HLA-DQA1: variants seen among roughly 807,000 people sequenced by gnomAD.
HLA-DQA1 encodes major histocompatibility complex, class II, DQ alpha 1.
Under a neutral mutation model 20.7 loss-of-function variants are expected in HLA-DQA1, and 10 were observed. The observed-to-expected ratio is 0.48, with a 90% CI of 0.30 to 0.82. The LOEUF is 0.82. HLA-DQA1 is among the 40% of genes least tolerant of loss of function. The pLI is 0.07. For synonymous variants in HLA-DQA1, 39 were observed against 109.2 expected, an observed-to-expected ratio of 0.36 and a Z score of 4.01; for missense variants, 127 against 293.0, an observed-to-expected ratio of 0.43 and a Z score of 4.14.
chr6:32,638,127 A>G (rs116178934), intron 1 of HLA-DQA1, among the ~76,000 whole-genome samples: 1 of 127,472 alleles, frequency 7.8e-6, no homozygotes, highest in Non-Finnish European at 1.7e-5. Context: ...GCTGCCTCAT[A>G]TGTGTCACCT....
downstream of HLA-DQA1, among the ~76,000 whole-genome samples, chr6:32,648,615 AT>A (rs1177049692): frequency 5.1e-4 from 50 of 97,450 alleles, 16 homozygotes; most frequent in African/African-American, 1.6e-3. Context: ...TAAACTAGGT[AT>A]TGATGGAACA....
intron 1 of HLA-DQA1, 149 bp from the exon 2 acceptor site, chr6:32,641,161 G>C (rs6930589): frequency 0.012 from 5,746 of 490,000 alleles, 479 homozygotes; most frequent in East Asian, 0.026. Context: ...ACATGAAGAG[G>C]GGAGGAAGCA....
At chr6:32,651,090 A>T (rs1305393477), downstream of HLA-DQA1, among the ~76,000 whole-genome samples, 5 of 81,896 alleles carry the variant, frequency 6.1e-5, 2 homozygotes, top group Admixed American at 6.1e-4. Context: ...GGGTTTCACC[A>T]TGTTAGCCAG....
At chr6:32,639,667 G>T (rs181156275) in intron 1 of HLA-DQA1, 2,677 of 97,528 alleles carry the variant, frequency 0.027, 965 homozygotes, top group South Asian at 0.25. Context: ...GCTGAGCAGG[G>T]CAGTGGACCC....
chr6:32,637,743 A>C (rs1177777106), intron 1 of HLA-DQA1, among the ~76,000 whole-genome samples: 2 of 106,700 alleles, frequency 1.9e-5, no homozygotes, highest in Non-Finnish European at 4.1e-5. Context: ...TGTGTTCACT[A>C]AGGACGCTAT....
downstream of HLA-DQA1, among the ~76,000 whole-genome samples, chr6:32,649,900 A>G (rs1291863954): frequency 2.1e-5 from 1 of 48,118 alleles, no homozygotes; most frequent in Non-Finnish European, 4.5e-5. Context: ...GTCAACAGGC[A>G]ACCTACAGAA....
Position 32,638,030 on chromosome 6 carries a change from C to G in HLA-DQA1, c.82+490C>G, listed in dbSNP as rs769029321. Among the ~76,000 whole-genome samples, 19 of 129,608 alleles carry G rather than the reference C, an allele frequency of 1.5e-4. 1 individual carries two copies. Among genetic ancestry groups the G allele is most frequent in the Non-Finnish European group, 2.9e-4 (17 of 59,278 alleles). 85.0% of individuals were successfully genotyped at this position (129,608 alleles called of 152,430 possible). On this transcript the variant is annotated intron_variant, in intron 1 of 4. Transcript: ENST00000343139. ...ACTTACTCACATTTCCACATGGGAA[C>G]TGGCACAGGTGGGGAGTGGGTAAAG... is the stretch of plus-strand genomic sequence containing the variant.
At chr6:32,654,663 A>T in the HLA-DQA1 span, among the ~76,000 whole-genome samples, 2 of 96,512 alleles carry the variant, frequency 2.1e-5, 1 homozygote, top group Non-Finnish European at 4.6e-5. Flanking sequence ...TTTTCAATCC[A>T]CAGTTGAATG....
chr6:32,646,508 G>A (rs1349360654), downstream of HLA-DQA1: 7 of 97,726 alleles, frequency 7.2e-5, 3 homozygotes, highest in African/African-American at 2.5e-4. Flanking sequence ...AGTGGGCTAA[G>A]ATTGTGCCAC....
At chr6:32,647,927 T>C (rs1443495949), downstream of HLA-DQA1, among the ~76,000 whole-genome samples, 2 of 152,122 alleles carry the variant, frequency 1.3e-5, no homozygotes, top group East Asian at 1.9e-4. Context: ...TCATAGAAAT[T>C]ACACTGTAGT....
the HLA-DQA1 span, among the ~76,000 whole-genome samples, chr6:32,652,544 A>G: frequency 6.8e-6 from 1 of 146,672 alleles, no homozygotes; most frequent in African/African-American, 2.5e-5. Flanking sequence ...TGTCTGATAC[A>G]TGAGTGATAT....
downstream of HLA-DQA1, among the ~76,000 whole-genome samples, chr6:32,649,289 T>C (rs1782092699): frequency 1.0e-5 from 1 of 96,892 alleles, no homozygotes; most frequent in Non-Finnish European, 2.3e-5. Context: ...CTACTTTAAA[T>C]TTCACATGGA....
chr6:32,637,641 G>A (rs9272443), intron 1 of HLA-DQA1, 101 bp downstream of exon 1: 29,012 of 475,568 alleles, frequency 0.061, 3,689 homozygotes, highest in Middle Eastern at 0.087. Flanking sequence ...ATTTCCTAAG[G>A]GCCCTTTCAG....
In HLA-DQA1 at chr6:32,640,946, G is replaced by A. The variant is rs972149018; in HGVS notation, c.83-364G>A. Among the ~76,000 whole-genome samples the A allele has an allele frequency of 3.9e-4, 40 of 101,562 alleles. 4 individuals are homozygous for A. Among genetic ancestry groups the A allele is most frequent in the African/African-American group, 1.3e-3 (38 of 29,784 alleles). 66.6% of individuals were successfully genotyped at this position (101,562 alleles called of 152,430 possible). A position where few individuals can be genotyped will look rare whatever the true frequency, so the allele number is the denominator to read the frequency against. Reference sequence around the variant, plus strand: ...AAAGATAAATCTCAGGAAGCAGAGGGAAGTAAACCTAATTTCTGACTAAGA... The same window carrying A: ...AAAGATAAATCTCAGGAAGCAGAGGAAAGTAAACCTAATTTCTGACTAAGA... On this transcript the variant is annotated intron_variant, in intron 1 of 4. Coordinates refer to ENST00000343139, the MANE Select transcript of HLA-DQA1 (RefSeq NM_002122.5).
Position 32,642,761 on chromosome 6 carries a change from G to A in HLA-DQA1, c.765G>A (p.Leu255=), listed in dbSNP as rs771694885. Residue 255 remains leucine, a synonymous_variant, in exon 4 of 5, where the codon TTG becomes TTA. Coordinates refer to ENST00000343139, the MANE Select transcript of HLA-DQA1 (RefSeq NM_002122.5). Reference sequence around the variant, plus strand: ...GTGCTTCCAGACACCAAGGGCCATTGTGAATCCCATCCTGGAAGGGAAGGT... The same window carrying A: ...GTGCTTCCAGACACCAAGGGCCATTATGAATCCCATCCTGGAAGGGAAGGT... ...SVGASRHQGP[L] The A allele has an allele frequency of 1.0e-5, 12 of 1,143,494 alleles. 2 individuals carry two copies. Among genetic ancestry groups the A allele is most frequent in the South Asian group, 2.6e-5 (2 of 76,406 alleles). 70.8% of individuals were successfully genotyped at this position (1,143,494 alleles called of 1,614,324 possible). A position where few individuals can be genotyped will look rare whatever the true frequency, so the allele number is the denominator to read the frequency against.
At chr6:32,652,300 G>A in the HLA-DQA1 span, among the ~76,000 whole-genome samples, 2 of 89,938 alleles carry the variant, frequency 2.2e-5, 1 homozygote, top group Non-Finnish European at 4.9e-5. Flanking sequence ...AAAAAATGTA[G>A]ACCTTTTCAA....
intron 1 of HLA-DQA1, chr6:32,639,476 C>T (rs28383380): frequency 1.1e-5 from 1 of 88,982 alleles, no homozygotes; most frequent in Non-Finnish European, 2.5e-5. Context: ...TGTGCCTGCC[C>T]GTCTTCCCCA....
At chr6:32,647,772 C>G (rs898408710), downstream of HLA-DQA1, among the ~76,000 whole-genome samples, 5 of 151,910 alleles carry the variant, frequency 3.3e-5, no homozygotes, top group Non-Finnish European at 7.4e-5. Flanking sequence ...TTATTATTGG[C>G]TATACTAAGC....
the HLA-DQA1 span, among the ~76,000 whole-genome samples, chr6:32,654,609 AT>A: frequency 2.1e-5 from 2 of 97,378 alleles, 1 homozygote; most frequent in Non-Finnish European, 4.6e-5. Flanking sequence ...TGGAATTGGA[AT>A]TTTTTTATTG....
Sources: gnomAD v4.1 joint callset for allele counts (sites outside exome capture counted in the v4.1 genomes callset) on GRCh38, gnomAD v4.1.1 for gene constraint, MANE v1.5 for transcripts, NCBI Gene and HGNC (gene_info 2026-07-23, HGNC 2026-07-21) for gene names.